NFIB: variants seen among roughly 807,000 people sequenced by gnomAD.
NFIB encodes nuclear factor I B, also known as nuclear factor 1 B-type.
NFIB carries 11 observed loss-of-function variants against 61.5 expected under a neutral mutation model. The ratio of observed to expected loss-of-function variants is 0.18; its 90% confidence interval spans 0.11 to 0.30. NFIB has a LOEUF of 0.30. Ranked by LOEUF, NFIB falls within the 10% of genes least tolerant of loss-of-function variation. The probability of loss-of-function intolerance (pLI) is 1.00; values close to 1 mark genes in which losing one functional copy is unlikely to be tolerated. For synonymous variants in NFIB, 260 were observed against 216.5 expected, an observed-to-expected ratio of 1.20 and a Z score of -1.76; for missense variants, 471 against 608.9, an observed-to-expected ratio of 0.77 and a Z score of 2.38.
intron 3 of NFIB, among the ~76,000 whole-genome samples, chr9:14,160,153 C>T (rs2043981620): frequency 6.6e-6 from 1 of 152,132 alleles, no homozygotes; most frequent in Non-Finnish European, 1.5e-5. Flanking sequence ...GAAATAAAGA[C>T]TTCTACAAAC....
the NFIB span, among the ~76,000 whole-genome samples, chr9:14,477,969 A>G: frequency 6.6e-6 from 1 of 151,776 alleles, no homozygotes; most frequent in African/African-American, 2.4e-5. Flanking sequence ...CCCACCCCCC[A>G]TTCTATGCCC....
At chr9:14,296,642 C>T (rs1235886923) in intron 2 of NFIB, among the ~76,000 whole-genome samples, 1 of 152,224 alleles carries the variant, frequency 6.6e-6, no homozygotes, top group Non-Finnish European at 1.5e-5. Context: ...GAAGTTGGCA[C>T]TCTGCCACCC....
chr9:14,378,108 T>C (rs543085576), intron 1 of NFIB, among the ~76,000 whole-genome samples: 2 of 152,312 alleles, frequency 1.3e-5, no homozygotes, highest in African/African-American at 4.8e-5. Context: ...CTCACATTTT[T>C]ATGAGTGGCA....
At chr9:14,345,606 G>T (rs7870860) in intron 1 of NFIB, among the ~76,000 whole-genome samples, 68,325 of 151,940 alleles carry the variant, frequency 0.45, 16,604 homozygotes, top group African/African-American at 0.63. Flanking sequence ...GTGCTTCTGC[G>T]CTCCGAAGTG....
intron 10 of NFIB, among the ~76,000 whole-genome samples, chr9:14,109,251 T>A (rs1485264363): frequency 6.6e-6 from 1 of 152,070 alleles, no homozygotes; most frequent in Non-Finnish European, 1.5e-5. Context: ...ACACTCTGAT[T>A]GATAGTTCCC....
In NFIB at chr9:14,085,368, A is replaced by G; in HGVS notation, c.*2941T>C. The G allele has an allele frequency of 4.5e-6, 1 of 224,538 alleles. No homozygotes were observed. Among genetic ancestry groups the G allele is most frequent in the Non-Finnish European group, 8.9e-6 (1 of 112,708 alleles). 13.9% of individuals were successfully genotyped at this position (224,538 alleles called of 1,614,324 possible). ...AGATTTTCCTTCTAGTAATGAATAC[A>G]CTCAATGGGACTGGGCGGTGAGGGA... On this transcript the variant is annotated 3_prime_UTR_variant, in exon 11 of 11. Coordinates refer to ENST00000380953, the MANE Select transcript of NFIB (RefSeq NM_001190737.2).
At chr9:14,501,597 C>A in the NFIB span, among the ~76,000 whole-genome samples, 10 of 152,126 alleles carry the variant, frequency 6.6e-5, no homozygotes, top group Non-Finnish European at 2.9e-5. Context: ...TAGGATATTT[C>A]TTTGTTTCTG....
chr9:14,223,569 C>G (rs1430586391), intron 2 of NFIB, among the ~76,000 whole-genome samples: 1 of 152,046 alleles, frequency 6.6e-6, no homozygotes, highest in Non-Finnish European at 1.5e-5. Flanking sequence ...TCTTTTTATA[C>G]CTCAAGTTCT....
chr9:14,429,550 T>C, the NFIB span, among the ~76,000 whole-genome samples: 10 of 152,346 alleles, frequency 6.6e-5, no homozygotes, highest in African/African-American at 2.4e-4. Context: ...GGCAGAATTG[T>C]CAATGTCTCA....
intron 2 of NFIB, among the ~76,000 whole-genome samples, chr9:14,302,026 TC>T (rs1300671721): frequency 6.6e-6 from 1 of 152,156 alleles, no homozygotes; most frequent in Non-Finnish European, 1.5e-5. Context: ...ACCAAGTATT[TC>T]TCCTACACAC....
intron 10 of NFIB, chr9:14,096,421 G>A (rs1194042155): frequency 6.6e-6 from 1 of 152,142 alleles, no homozygotes; most frequent in East Asian, 1.9e-4. Flanking sequence ...TAATCCTGCT[G>A]GAATCTGCAG....
intron 1 of NFIB, among the ~76,000 whole-genome samples, chr9:14,381,028 C>G (rs541118226): frequency 7.3e-6 from 1 of 137,794 alleles, no homozygotes; most frequent in African/African-American, 2.7e-5. Flanking sequence ...GAGCCGAGAT[C>G]GCGCCACTGC....
chr9:14,350,530 G>T (rs919057569), intron 1 of NFIB, among the ~76,000 whole-genome samples: 2 of 152,004 alleles, frequency 1.3e-5, no homozygotes, highest in African/African-American at 4.8e-5. Context: ...GGGAAGTTGG[G>T]GGTCTTCTAG....
the NFIB span, among the ~76,000 whole-genome samples, chr9:14,503,106 A>ATG: frequency 0.015 from 2,191 of 149,334 alleles, 28 homozygotes; most frequent in African/African-American, 0.018. Context: ...ATATATATAT[A>ATG]TGTGTGTATG....
chr9:14,500,528 C>A, the NFIB span, among the ~76,000 whole-genome samples: 2 of 152,140 alleles, frequency 1.3e-5, no homozygotes, highest in African/African-American at 4.8e-5. Context: ...CTTTTACACC[C>A]TCTTATAAAG....
chr9:14,141,905 A>AAAAAAAAAAAAAAAAAAAAAAC, intron 6 of NFIB, among the ~76,000 whole-genome samples: 1 of 125,200 alleles, frequency 8.0e-6, no homozygotes, highest in African/African-American at 3.4e-5. Context: ...CTGCTCACAA[A>AAAAAAAAAAAAAAAAAAAAAAC]AAAAAAAAAA....
At chr9:14,443,150 A>T in the NFIB span, among the ~76,000 whole-genome samples, 1 of 151,542 alleles carries the variant, frequency 6.6e-6, no homozygotes, top group Admixed American at 6.6e-5. Flanking sequence ...CAAGGTTCAC[A>T]GCTAACTATG....
chr9:14,230,962 G>A (rs991909074), intron 2 of NFIB, among the ~76,000 whole-genome samples: 20 of 147,472 alleles, frequency 1.4e-4, no homozygotes, highest in Middle Eastern at 3.5e-3. Flanking sequence ...TTCTGGTGGC[G>A]AAAGGCAAAG....
chr9:14,115,176 T>TAA (rs796885573), intron 9 of NFIB, among the ~76,000 whole-genome samples: 7 of 141,688 alleles, frequency 4.9e-5, no homozygotes, highest in African/African-American at 1.6e-4. Flanking sequence ...TCAGAAACCA[T>TAA]AAAAAAAAAA....
Sources: allele counts gnomAD v4.1 joint callset (sites outside exome capture counted in the v4.1 genomes callset), GRCh38; gene constraint gnomAD v4.1.1; transcripts MANE v1.5; gene names NCBI Gene and HGNC (gene_info 2026-07-23, HGNC 2026-07-21).